ZNF827: variants seen among roughly 807,000 people sequenced by gnomAD.
ZNF827 encodes zinc finger protein 827.
Under a neutral mutation model 102.4 loss-of-function variants are expected in ZNF827, and 13 were observed. The ratio of observed to expected loss-of-function variants is 0.13; its 90% CI spans 0.08 to 0.20. The LOEUF is 0.20. Ranked by LOEUF, ZNF827 falls within the 10% of genes least tolerant of loss-of-function variation. ZNF827 has a pLI of 1.00. For missense variants in ZNF827, 1,103 were observed against 1,344.4 expected, an observed-to-expected ratio of 0.82 and a Z score of 2.81; for synonymous variants, 523 against 536.2, an observed-to-expected ratio of 0.98 and a Z score of 0.34.
intron 8 of ZNF827, among the ~76,000 whole-genome samples, chr4:145,808,138 A>C (rs1441891952): frequency 7.6e-6 from 1 of 132,068 alleles, no homozygotes; most frequent in Non-Finnish European, 1.5e-5. Flanking sequence ...ATTAGTGAGC[A>C]AAAAAAAAAT....
chr4:145,850,142 T>C (rs979134932), intron 5 of ZNF827, among the ~76,000 whole-genome samples: 1 of 152,022 alleles, frequency 6.6e-6, no homozygotes, highest in African/African-American at 2.4e-5. Context: ...CCCGAGTAGC[T>C]GGGACTACAG....
chr4:145,777,255 T>C (rs1478848265), intron 9 of ZNF827, among the ~76,000 whole-genome samples: 1 of 152,220 alleles, frequency 6.6e-6, no homozygotes, highest in Non-Finnish European at 1.5e-5. Context: ...TGTGTTTGTA[T>C]GAATAAGTGA....
chr4:145,842,091 A>G (rs1477314237), intron 7 of ZNF827, among the ~76,000 whole-genome samples: 1 of 152,206 alleles, frequency 6.6e-6, no homozygotes, highest in Non-Finnish European at 1.5e-5. Context: ...ACTTCTGTAT[A>G]TGTTTGAAAT....
intron 7 of ZNF827, among the ~76,000 whole-genome samples, chr4:145,835,841 T>C (rs912762245): frequency 2.0e-5 from 3 of 150,994 alleles, no homozygotes; most frequent in Non-Finnish European, 4.4e-5. Flanking sequence ...ACCCCCATTT[T>C]ACCTGTCCTA....
intron 6 of ZNF827, among the ~76,000 whole-genome samples, chr4:145,846,370 A>G (rs1321966701): frequency 6.6e-6 from 1 of 151,810 alleles, no homozygotes; most frequent in Non-Finnish European, 1.5e-5. Context: ...CCCAGCTACT[A>G]GGGAGGCTGA....
In ZNF827 at chr4:145,838,400, G is replaced by A. The variant is rs1032690321; in HGVS notation, c.2279+7556C>T. Among the ~76,000 whole-genome samples, 4 of 151,998 alleles carry A rather than the reference G, an allele frequency of 2.6e-5. No homozygotes were observed. The East Asian group carries it at 5.8e-4, about 22-fold the overall frequency. ...AACGGCCCCACCCTTAACTCCCTTC[G>A]CTGACTCTTTTCGGACTCAGCCCAC... On this transcript the variant is annotated intron_variant, in intron 7 of 14. Transcript: ENST00000508784.
At chr4:145,864,961 A>G (rs566860316) in intron 5 of ZNF827, among the ~76,000 whole-genome samples, 16 of 152,306 alleles carry the variant, frequency 1.1e-4, no homozygotes, top group Non-Finnish European at 8.8e-5. Context: ...CTAGACCATA[A>G]TTTTCCAAGG....
chr4:145,907,765 TCTGA>T (rs150335307), intron 1 of ZNF827, among the ~76,000 whole-genome samples: 3,006 of 152,298 alleles, frequency 0.02, 53 homozygotes, highest in African/African-American at 0.044. Flanking sequence ...AACCTCTGTC[TCTGA>T]CTGTCAGGTT....
intron 8 of ZNF827, among the ~76,000 whole-genome samples, chr4:145,789,478 T>G (rs913606387): frequency 2.0e-5 from 3 of 152,310 alleles, no homozygotes; most frequent in African/African-American, 7.2e-5. Flanking sequence ...TATGATGCAT[T>G]TTACACACAT....
At chr4:145,844,446 G>A (rs570544581) in intron 7 of ZNF827, among the ~76,000 whole-genome samples, 105 of 150,634 alleles carry the variant, frequency 7.0e-4, no homozygotes, top group Middle Eastern at 3.4e-3. Flanking sequence ...TTGGAAGGCC[G>A]AGGCAGGCAG....
At chr4:145,891,805 C>T (rs1445646000) in intron 3 of ZNF827, among the ~76,000 whole-genome samples, 1 of 152,144 alleles carries the variant, frequency 6.6e-6, no homozygotes, top group Non-Finnish European at 1.5e-5. Context: ...GAGGGTAAGG[C>T]AGTAACAGCC....
At chr4:145,767,152 A>G (rs1415689629) in intron 11 of ZNF827, among the ~76,000 whole-genome samples, 2 of 152,342 alleles carry the variant, frequency 1.3e-5, no homozygotes, top group South Asian at 4.1e-4. Context: ...AAGGACATTA[A>G]AACAGTGGTG....
chr4:145,871,139 A>C (rs1178904565), intron 4 of ZNF827, among the ~76,000 whole-genome samples: 1 of 152,076 alleles, frequency 6.6e-6, no homozygotes, highest in African/African-American at 2.4e-5. Flanking sequence ...TTATTTTGGA[A>C]TAATTTTAGA....
chr4:145,838,984 T>C (rs1488384640), intron 7 of ZNF827, among the ~76,000 whole-genome samples: 13 of 152,222 alleles, frequency 8.5e-5, no homozygotes, highest in Admixed American at 8.5e-4. Flanking sequence ...ATCTCAATTA[T>C]GACCCTCAGT....
rs759167335 is a variant in ZNF827, at chr4:145,870,384, G to A, written c.1842C>T (p.Ser614=). 6.2e-7 allele frequency: 1 copy of A among 1,614,116 alleles called. No homozygotes were observed. The highest frequency in any genetic ancestry group is 1.1e-5 in the South Asian group (1 of 91,070). ...ESLSTTLPRS[S]YVFSPESEVS... is the part of the protein sequence containing the mutation. ...CTTCAGATTCCGGGCTGAACACATAGCTGGACCGAGGCAAAGTCGTGCTTA... is the reference window on the plus strand; with the variant it reads ...CTTCAGATTCCGGGCTGAACACATAACTGGACCGAGGCAAAGTCGTGCTTA... The change falls in exon 5 of 15, where the codon AGC becomes AGT. Residue 614 remains serine, a synonymous_variant. Coordinates refer to ENST00000508784, the MANE Select transcript of ZNF827 (RefSeq NM_001306215.2).
chr4:145,842,199 TA>T (rs1049405390), intron 7 of ZNF827, among the ~76,000 whole-genome samples: 2 of 152,136 alleles, frequency 1.3e-5, no homozygotes, highest in African/African-American at 4.8e-5. Flanking sequence ...TAAACCCCTT[TA>T]AAAAAATTGC....
chr4:145,834,645 C>G (rs9942147), intron 7 of ZNF827, among the ~76,000 whole-genome samples: 1 of 152,024 alleles, frequency 6.6e-6, no homozygotes, highest in Admixed American at 6.5e-5. Context: ...AATCAGATAG[C>G]GTTTAGGCTC....
In ZNF827 at chr4:145,763,022, C is replaced by A. The variant is rs1182343099; in HGVS notation, c.*17+68G>T. 8.4e-6 allele frequency: 12 copies of A among 1,428,200 alleles called. No homozygotes were observed. In the South Asian group the frequency reaches 1.5e-4, roughly 18 times the overall value. 88.5% of individuals were successfully genotyped at this position (1,428,200 alleles called of 1,614,324 possible). ...ACCTCAGCTCACAGAAGAGTGCACA[C>A]GAGAGAAATATAAAGCCCATTCCCA... On this transcript the variant is annotated intron_variant, in intron 14 of 14. Transcript: ENST00000508784. The surrounding 1 kb of genome is among the most constrained non-coding windows in gnomAD (Gnocchi z 4.6).
chr4:145,916,732 T>C (rs974757525), intron 1 of ZNF827, among the ~76,000 whole-genome samples: 1 of 152,208 alleles, frequency 6.6e-6, no homozygotes, highest in African/African-American at 2.4e-5. Context: ...ATAAATTCCA[T>C]CTTTAAATCA....
Sources: gnomAD v4.1 joint callset for allele counts (sites outside exome capture counted in the v4.1 genomes callset) on GRCh38, gnomAD v4.1.1 for gene constraint, Gnocchi (gnomAD v3.1) non-coding constraint, MANE v1.5 for transcripts, NCBI Gene and HGNC (gene_info 2026-07-23, HGNC 2026-07-21) for gene names.